Variants in ANKS1B observed in about 807,000 individuals in gnomAD.
The protein encoded by ANKS1B is ankyrin repeat and sterile alpha motif domain containing 1B, also known as ankyrin repeat and sterile alpha motif domain-containing protein 1B.
ANKS1B carries 36 observed loss-of-function variants against 148.3 expected under a neutral mutation model. The ratio of observed to expected loss-of-function variants is 0.24; its 90% CI spans 0.19 to 0.32. The LOEUF is 0.32. Among genes scored for constraint, ANKS1B ranks in the 10% least tolerant of loss-of-function variants. The probability of loss-of-function intolerance (pLI) is 1.00; values close to 1 mark genes in which losing one functional copy is unlikely to be tolerated. For missense variants in ANKS1B, 1,157 were observed against 1,542.6 expected, an observed-to-expected ratio of 0.75 and a Z score of 4.19; for synonymous variants, 542 against 560.8, an observed-to-expected ratio of 0.97 and a Z score of 0.47.
rs79434355 is a variant in ANKS1B at position 99,419,583 on chromosome 12, T to C, written c.1576-19772A>G. 9.2e-3 allele frequency among the ~76,000 whole-genome samples: 1,403 copies of C among 152,262 alleles called. 20 individuals are homozygous for C. The highest frequency in any genetic ancestry group is 0.032 in the African/African-American group (1,329 of 41,548). On this transcript the variant is annotated intron_variant, in intron 11 of 26. Coordinates refer to ENST00000683438, the MANE Select transcript of ANKS1B (RefSeq NM_001352186.2). ...AGCAGCCAAAATATTAATAAAAGCT[T>C]ATATTGCTGTATACGTGAAAGAAAA... is the stretch of plus-strand genomic sequence containing the variant.
At chr12:99,045,055 T>G (rs1368704304) in intron 17 of ANKS1B, among the ~76,000 whole-genome samples, 1 of 152,186 alleles carries the variant, frequency 6.6e-6, no homozygotes, top group African/African-American at 2.4e-5. Context: ...TTTCAAATAA[T>G]GGAAGCTTAG....
intron 12 of ANKS1B, among the ~76,000 whole-genome samples, chr12:99,340,768 A>T (rs2089778913): frequency 2.0e-5 from 3 of 152,114 alleles, no homozygotes; most frequent in African/African-American, 7.2e-5. Context: ...CTTTTAAAAA[A>T]AATGCAAAGC....
intron 17 of ANKS1B, among the ~76,000 whole-genome samples, chr12:99,045,141 C>T (rs1028444164): frequency 2.0e-5 from 3 of 152,164 alleles, no homozygotes; most frequent in Non-Finnish European, 2.9e-5. Context: ...TTTGCCCTTG[C>T]CTCCTTTGAA....
At chr12:98,768,252 C>G (rs1382322082) in intron 25 of ANKS1B, among the ~76,000 whole-genome samples, 2 of 151,948 alleles carry the variant, frequency 1.3e-5, no homozygotes, top group African/African-American at 2.4e-5. Context: ...CTTGACAACC[C>G]TAATTCTGTT....
intron 10 of ANKS1B, among the ~76,000 whole-genome samples, chr12:99,490,244 T>G (rs886884682): frequency 6.6e-6 from 1 of 152,230 alleles, no homozygotes; most frequent in African/African-American, 2.4e-5. Context: ...AAAGAGATGG[T>G]TCTGAACAGT....
At chr12:99,526,565 G>A (rs1245981144) in intron 9 of ANKS1B, among the ~76,000 whole-genome samples, 3 of 152,124 alleles carry the variant, frequency 2.0e-5, no homozygotes, top group South Asian at 2.1e-4. Flanking sequence ...AATATCAATC[G>A]TCTGAGCTGT....
intron 9 of ANKS1B, among the ~76,000 whole-genome samples, chr12:99,620,562 T>C (rs2098035113): frequency 1.3e-5 from 2 of 152,094 alleles, no homozygotes; most frequent in Admixed American, 1.3e-4. Context: ...ATTGAGAAAT[T>C]TGAAATTGAA....
At chr12:99,246,185 T>C (rs1260230405) in intron 13 of ANKS1B, 90 bp downstream of exon 13, 2 of 1,003,310 alleles carry the variant, frequency 2.0e-6, no homozygotes, top group South Asian at 2.1e-5. Flanking sequence ...TTCTTGCTTT[T>C]GAAAGAGCTA....
intron 6 of ANKS1B, among the ~76,000 whole-genome samples, chr12:99,778,016 G>A (rs1360178249): frequency 1.3e-5 from 2 of 151,440 alleles, no homozygotes; most frequent in Non-Finnish European, 1.5e-5. Context: ...GGCTAACATC[G>A]TGAAACTCCG....
intron 17 of ANKS1B, among the ~76,000 whole-genome samples, chr12:98,992,953 C>T (rs978039358): frequency 2.0e-5 from 3 of 152,276 alleles, no homozygotes; most frequent in South Asian, 4.1e-4. Context: ...TCTACACAAT[C>T]TTTCTGGGCT....
At chr12:98,982,170 G>T (rs1305997429) in intron 17 of ANKS1B, among the ~76,000 whole-genome samples, 2 of 152,126 alleles carry the variant, frequency 1.3e-5, no homozygotes, top group African/African-American at 4.8e-5. Context: ...AGATACAGAA[G>T]AATGCTATAA....
chr12:98,895,219 G>A (rs879412417), intron 17 of ANKS1B: 17 of 985,474 alleles, frequency 1.7e-5, no homozygotes, highest in Non-Finnish European at 2.0e-5. Flanking sequence ...GGGGGTTGCC[G>A]GCGCGCGGGG....
chr12:99,234,492 T>A (rs2087493347), intron 14 of ANKS1B, among the ~76,000 whole-genome samples: 1 of 152,192 alleles, frequency 6.6e-6, no homozygotes, highest in Admixed American at 6.5e-5. Context: ...TCAGCTGACA[T>A]TCTAAGATTC....
intron 19 of ANKS1B, among the ~76,000 whole-genome samples, chr12:98,816,048 T>G (rs558840314): frequency 6.6e-6 from 1 of 152,254 alleles, no homozygotes; most frequent in African/African-American, 2.4e-5. Context: ...CCTACCCATC[T>G]TCGTCTTGCT....
At chr12:99,065,360 A>G (rs1171742806) in intron 16 of ANKS1B, among the ~76,000 whole-genome samples, 3 of 152,158 alleles carry the variant, frequency 2.0e-5, no homozygotes, top group Non-Finnish European at 2.9e-5. Flanking sequence ...ATATTTAAAA[A>G]CCATGTCCTT....
intron 19 of ANKS1B, among the ~76,000 whole-genome samples, chr12:98,823,647 A>C (rs2099220283): frequency 6.6e-6 from 1 of 152,206 alleles, no homozygotes; most frequent in Non-Finnish European, 1.5e-5. Context: ...ATCCGCCATC[A>C]TGCCCAGCTA....
Position 99,618,491 on chromosome 12 carries a change from C to T in ANKS1B, c.1272+36576G>A, listed in dbSNP as rs569743654. Among the ~76,000 whole-genome samples the T allele has an allele frequency of 6.6e-5, 10 of 152,186 alleles. No homozygotes were observed. In the South Asian group the frequency reaches 1.9e-3, roughly 28 times the overall value. On this transcript the variant is annotated intron_variant, in intron 9 of 26. Transcript: ENST00000683438. ...CAAGAAGGAAAATGGGAATCCTCAG[C>T]ATTCGTGAAGGACACCCAAGATCCC... is the stretch of plus-strand genomic sequence containing the variant.
At chr12:99,848,190 A>G (rs187259510) in intron 1 of ANKS1B, among the ~76,000 whole-genome samples, 117 of 152,170 alleles carry the variant, frequency 7.7e-4, no homozygotes, top group African/African-American at 2.7e-3. Context: ...CCTGCTTTGG[A>G]GTAATGCTGA....
At chr12:99,438,512 C>G (rs1365505290) in intron 11 of ANKS1B, among the ~76,000 whole-genome samples, 1 of 151,814 alleles carries the variant, frequency 6.6e-6, no homozygotes, top group Non-Finnish European at 1.5e-5. Context: ...CAATTCTTTC[C>G]TATCCTTATT....
Sources: gnomAD v4.1 joint callset for allele counts (sites outside exome capture counted in the v4.1 genomes callset) on GRCh38, gnomAD v4.1.1 for gene constraint, MANE v1.5 for transcripts, NCBI Gene and HGNC (gene_info 2026-07-23, HGNC 2026-07-21) for gene names.